The following BAZ1A variants were observed in gnomAD, a reference collection of about 807,000 sequenced individuals.
BAZ1A encodes the protein bromodomain adjacent to zinc finger domain protein 1A.
In BAZ1A, 50 loss-of-function variants were observed where a neutral mutation model predicts 185.2. The observed-to-expected ratio is 0.27, with a 90% CI of 0.22 to 0.34. BAZ1A has a LOEUF of 0.34. BAZ1A is among the 10% of genes least tolerant of loss of function. The probability of loss-of-function intolerance (pLI) is 1.00; values close to 1 mark genes in which losing one functional copy is unlikely to be tolerated. For missense variants in BAZ1A, 1,356 were observed against 1,839.9 expected, an observed-to-expected ratio of 0.74 and a Z score of 4.81; for synonymous variants, 571 against 615.6, an observed-to-expected ratio of 0.93 and a Z score of 1.07.
At chr14:34,763,421 T>TTAA (rs1555337387) in intron 23 of BAZ1A, among the ~76,000 whole-genome samples, 3 of 134,076 alleles carry the variant, frequency 2.2e-5, no homozygotes, top group African/African-American at 8.1e-5. Context: ...TTCAAATGTT[T>TTAA]AAAAAAAAAA....
At chr14:34,758,519 G>A (rs1886369264) in intron 25 of BAZ1A, 185 bp downstream of exon 25, 2 of 502,400 alleles carry the variant, frequency 4.0e-6, no homozygotes, top group Non-Finnish European at 6.9e-6. Context: ...GGCAGAGCTT[G>A]CAGTGAGCCG....
chr14:34,874,338 G>T lies in BAZ1A; in HGVS notation c.113+154C>A. 1.4e-6 allele frequency: 1 copy of T among 694,886 alleles called. No homozygotes were observed. Among genetic ancestry groups the T allele is most frequent in the Non-Finnish European group, 2.4e-6 (1 of 414,634 alleles). 43.0% of individuals were successfully genotyped at this position (694,886 alleles called of 1,614,324 possible). A position where few individuals can be genotyped will look rare whatever the true frequency, so the allele number is the denominator to read the frequency against. Reference sequence around the variant, plus strand: ...TGGCCCCGCGCGTTCTCCAGGTGGAGGCCAGGAGGCAGAGAACCGCGGGCC... The same window carrying T: ...TGGCCCCGCGCGTTCTCCAGGTGGATGCCAGGAGGCAGAGAACCGCGGGCC... On this transcript the variant is annotated intron_variant, in intron 2 of 26. Transcript: ENST00000360310. This position sits in a 1 kb window ranked among gnomAD's most constrained non-coding sequence, Gnocchi z 4.7.
intron 3 of BAZ1A, among the ~76,000 whole-genome samples, chr14:34,842,177 G>C (rs1328768163): frequency 6.6e-6 from 1 of 151,856 alleles, no homozygotes; most frequent in Admixed American, 6.6e-5. Context: ...GTACTTTAAA[G>C]TACTAACTCA....
rs747879206 is a variant in BAZ1A, at chr14:34,802,861, A to C, written c.854T>G (p.Ile285Ser). The change falls in exon 7 of 27, where the codon ATT becomes AGT. Residue 285 changes from isoleucine to serine, a missense_variant. By Grantham distance (142) the Ile-to-Ser change is moderately radical. Around this residue, in one of 7 missense-constraint regions of BAZ1A, gnomAD observed 332 missense variants for 395.3 expected, o/e 0.84. Transcript: ENST00000360310. ...RRGRPPKRIHISQEDNVANKQ... is the reference protein window; with the variant it reads ...RRGRPPKRIHSSQEDNVANKQ... ...AATCAATTCTGTACTTACTTGACTA[A>C]TATGTATTCGTTTGGGAGGTCTCCC... 10 of 1,612,860 alleles carry C rather than the reference A, an allele frequency of 6.2e-6. No homozygotes were observed. The East Asian group carries it at 2.2e-4, about 36-fold the overall frequency.
chr14:34,802,922 GTGGATCA>G lies in BAZ1A; in HGVS notation c.786_792del (p.Asp263ProfsTer48). 6.2e-7 allele frequency: 1 copy of G among 1,612,794 alleles called. No homozygotes were observed. Among genetic ancestry groups the G allele is most frequent in the Non-Finnish European group, 8.5e-7 (1 of 1,178,790 alleles). ...TTAGCAGGACTGAAGATAAATGTGG[GTGGATCA>G]TCAGGGAAGAAATAAGAAAAATCTT... is the stretch of plus-strand genomic sequence containing the variant. On this transcript the variant is annotated frameshift_variant, in exon 7 of 27. Coordinates refer to ENST00000360310, the MANE Select transcript of BAZ1A (RefSeq NM_013448.3). LOFTEE classifies it high-confidence loss of function.
At chr14:34,844,205 CAA>C (rs71121227) in intron 3 of BAZ1A, among the ~76,000 whole-genome samples, 14 of 109,808 alleles carry the variant, frequency 1.3e-4, no homozygotes, top group African/African-American at 4.5e-4. Context: ...GACTCCGTCT[CAA>C]AAAAAAAAAA....
Position 34,753,664 on chromosome 14 carries a change from G to A in BAZ1A, c.4515C>T (p.Cys1505=). ...IDDIELMFSN[C]FEYNPRNTSE... The stretch of plus-strand genomic sequence containing the variant: ...TTGTGTTACGAGGGTTGTATTCAAA[G>A]CAGTTCGAAAACATTAACTCAATGT... Residue 1505 remains cysteine (C), a synonymous_variant, in exon 27 of 27, where the codon TGC becomes TGT. Coordinates refer to ENST00000360310, the MANE Select transcript of BAZ1A (RefSeq NM_013448.3). The A allele has an allele frequency of 6.2e-7, 1 of 1,607,444 alleles. No individual in the cohort carries two copies. The highest frequency in any genetic ancestry group is 2.2e-5 in the East Asian group (1 of 44,646).
chr14:34,780,331 T>C (rs780210701), intron 16 of BAZ1A, 21 bp from the exon 17 acceptor site: 3 of 1,591,632 alleles, frequency 1.9e-6, no homozygotes, highest in Middle Eastern at 1.7e-4. Flanking sequence ...AAAACAAAGA[T>C]GACATTTACT....
chr14:34,839,748 C>CAG (rs1566590108), intron 3 of BAZ1A, among the ~76,000 whole-genome samples: 1 of 143,034 alleles, frequency 7.0e-6, no homozygotes, highest in East Asian at 2.1e-4. Context: ...GAGGCTGAGG[C>CAG]AGAATGGCGT....
At chr14:34,873,297 A>T (rs1357546407) in intron 2 of BAZ1A, among the ~76,000 whole-genome samples, 2 of 152,216 alleles carry the variant, frequency 1.3e-5, no homozygotes. Context: ...TTTGCAAGCC[A>T]CAAAGGGACT....
At position 34,832,215 on chromosome 14, in the gene BAZ1A, C is replaced by CACACATATATATATATATATATATAT; in HGVS notation, c.393-6060_393-6059insATATATATATATATATATATATGTGT. 5.9e-4 allele frequency among the ~76,000 whole-genome samples: 53 copies of CACACATATATATATATATATATATAT among 89,676 alleles called. 1 individual carries two copies. Among genetic ancestry groups the CACACATATATATATATATATATATAT allele is most frequent in the South Asian group, 9.8e-4 (2 of 2,032 alleles). The allele number at this position is 89,676 out of a possible 152,430, so 58.8% of individuals were successfully genotyped here. On this transcript the variant is annotated intron_variant, in intron 3 of 26. Transcript: ENST00000360310. ...ATACACACACACACACACACACACA[C>CACACATATATATATATATATATATAT]ATATATATATATATATGTATGTATG...
chr14:34,875,076 C>T, intron 1 of BAZ1A, 62 bp downstream of exon 1: 1 of 357,900 alleles, frequency 2.8e-6, no homozygotes, highest in Admixed American at 3.7e-5. Context: ...AGCTGCTCCG[C>T]TTTGTTCCCG....
At chr14:34,827,353 T>C (rs1430538135) in intron 3 of BAZ1A, among the ~76,000 whole-genome samples, 1 of 152,188 alleles carries the variant, frequency 6.6e-6, no homozygotes, top group Non-Finnish European at 1.5e-5. Context: ...TTCCATCCAT[T>C]ATGGAAGATG....
chr14:34,861,287 G>A (rs1345601769), intron 3 of BAZ1A, among the ~76,000 whole-genome samples: 1 of 152,124 alleles, frequency 6.6e-6, no homozygotes, highest in Non-Finnish European at 1.5e-5. Context: ...CAAAGCTTCA[G>A]ACTTGAGGAA....
chr14:34,801,095 C>A lies in BAZ1A; in HGVS notation c.960G>T (p.Leu320=), dbSNP rs768303251. ...TTTGGAAACAATGTTAAAACTCACC[C>A]AGTGACTTCATTTCTTCTTGTTTCA... ...KLLKQEEMKS[L]AFEKAKLKRE... is the part of the protein sequence containing the mutation. Residue 320 remains leucine (L), a splice_region_variant and synonymous_variant, in exon 8 of 27, where the codon CTG becomes CTT. Transcript: ENST00000360310. The A allele has an allele frequency of 3.8e-6, 6 of 1,585,790 alleles. No individual in the cohort carries two copies. The East Asian group carries it at 1.4e-4, about 36-fold the overall frequency.
rs1886391437 is a variant in BAZ1A, at chr14:34,758,978, T to C, written c.4244-132A>G. ...CCGTACACTGAGATGTTAACTATTTTCTGGGAGATATGAAAATTCAACCAA... is the reference window on the plus strand; with the variant it reads ...CCGTACACTGAGATGTTAACTATTTCCTGGGAGATATGAAAATTCAACCAA... On this transcript the variant is annotated intron_variant, in intron 24 of 26. Transcript: ENST00000360310. 3 of 861,450 alleles carry C rather than the reference T, an allele frequency of 3.5e-6. No individual in the cohort carries two copies. In the Admixed American group the frequency reaches 9.2e-5, roughly 26 times the overall value. The allele number at this position is 861,450 out of a possible 1,614,324, so 53.4% of individuals were successfully genotyped here. A position where few individuals can be genotyped will look rare whatever the true frequency, so the allele number is the denominator to read the frequency against.
At chr14:34,796,374 C>G (rs1355488674) in intron 9 of BAZ1A, among the ~76,000 whole-genome samples, 1 of 152,142 alleles carries the variant, frequency 6.6e-6, no homozygotes, top group Non-Finnish European at 1.5e-5. Flanking sequence ...ATAGCTTTCC[C>G]TCTACTTCCT....
chr14:34,818,225 C>T (rs1370158040), intron 4 of BAZ1A, among the ~76,000 whole-genome samples: 1 of 152,058 alleles, frequency 6.6e-6, no homozygotes, highest in Non-Finnish European at 1.5e-5. Flanking sequence ...GTGAAATGAG[C>T]CAGATGCAAA....
At chr14:34,770,976 G>A (rs895588736) in intron 21 of BAZ1A, among the ~76,000 whole-genome samples, 2 of 151,784 alleles carry the variant, frequency 1.3e-5, no homozygotes, top group African/African-American at 4.8e-5. Context: ...ATTATTCAAG[G>A]TCTGACTAGT....
Sources: allele counts gnomAD v4.1 joint callset (sites outside exome capture counted in the v4.1 genomes callset), GRCh38; gene constraint gnomAD v4.1.1; regional missense constraint gnomAD v4.1.1; non-coding constraint Gnocchi (gnomAD v3.1); transcripts MANE v1.5; gene names NCBI Gene and HGNC (gene_info 2026-07-23, HGNC 2026-07-21).